Variants in UNC79 observed in about 807,000 individuals in gnomAD.
UNC79 encodes the protein protein unc-79 homolog.
Under a neutral mutation model 283.1 loss-of-function variants are expected in UNC79, and 37 were observed. That is an observed-to-expected ratio of 0.13 (90% CI 0.10 to 0.17). The LOEUF (loss-of-function observed/expected upper bound fraction) is 0.17. Among genes scored for constraint, UNC79 ranks in the 10% least tolerant of loss-of-function variants. The pLI is 1.00. For synonymous variants in UNC79, 1,107 were observed against 1,200.2 expected (o/e 0.92, Z 1.61); for missense variants, 2,272 against 3,211.1 (o/e 0.71, Z 7.07).
chr14:93,665,400 G>C (rs1005727841), intron 40 of UNC79, among the ~76,000 whole-genome samples: 6 of 151,642 alleles, frequency 4.0e-5, no homozygotes, highest in Admixed American at 3.3e-4. Flanking sequence ...ATTCAGAAGA[G>C]AGAGATAAAG....
chr14:93,645,009 A>G (rs1260668133), intron 34 of UNC79, among the ~76,000 whole-genome samples: 1 of 152,226 alleles, frequency 6.6e-6, no homozygotes. Context: ...TGACCTAGTC[A>G]TAGTAATTGC....
chr14:93,338,246 C>G (rs1021443869), intron 1 of UNC79, among the ~76,000 whole-genome samples: 1 of 152,112 alleles, frequency 6.6e-6, no homozygotes, highest in Admixed American at 6.5e-5. Context: ...AGTGAGTTCT[C>G]TGAATTCACT....
At chr14:93,391,890 A>G (rs1485863246) in intron 1 of UNC79, among the ~76,000 whole-genome samples, 2 of 152,262 alleles carry the variant, frequency 1.3e-5, no homozygotes, top group Admixed American at 6.5e-5. Flanking sequence ...GTGAATTGCA[A>G]ACTAAAAGAA....
intron 6 of UNC79, among the ~76,000 whole-genome samples, 187 bp downstream of exon 6, chr14:93,496,653 T>G (rs1450554980): frequency 6.6e-6 from 1 of 152,234 alleles, no homozygotes; most frequent in Non-Finnish European, 1.5e-5. Flanking sequence ...AATGGTACTT[T>G]AAGAACATCG....
intron 26 of UNC79, among the ~76,000 whole-genome samples, chr14:93,611,757 A>G (rs2066324086): frequency 6.6e-6 from 1 of 152,208 alleles, no homozygotes; most frequent in Admixed American, 6.5e-5. Context: ...GTTTCCTTGC[A>G]GAATGAGAGA....
At chr14:93,471,202 A>C (rs2057481970) in intron 2 of UNC79, among the ~76,000 whole-genome samples, 1 of 152,220 alleles carries the variant, frequency 6.6e-6, no homozygotes, top group South Asian at 2.1e-4. Flanking sequence ...TAAGTCATGG[A>C]GTAACTTTAG....
intron 25 of UNC79, among the ~76,000 whole-genome samples, chr14:93,602,535 C>T (rs1037782800): frequency 5.9e-5 from 9 of 152,110 alleles, no homozygotes; most frequent in South Asian, 2.1e-4. Context: ...TCCAGGAATG[C>T]GATGCCTCCA....
chr14:93,389,787 G>A (rs1171106528), intron 1 of UNC79, among the ~76,000 whole-genome samples: 1 of 152,112 alleles, frequency 6.6e-6, no homozygotes, highest in African/African-American at 2.4e-5. Context: ...GAGTAGCTGG[G>A]ATTACAGGCA....
At chr14:93,444,020 A>G (rs563505404) in intron 1 of UNC79, among the ~76,000 whole-genome samples, 4 of 152,334 alleles carry the variant, frequency 2.6e-5, no homozygotes, top group South Asian at 4.1e-4. Context: ...AGGTATTTCT[A>G]TACTATTTTG....
In UNC79 at chr14:93,410,778, C is replaced by A. The variant is rs565298740; in HGVS notation, c.-350-56893C>A. 2.6e-3 allele frequency among the ~76,000 whole-genome samples: 400 copies of A among 152,196 alleles called. 4 individuals are homozygous for A. The highest frequency in any genetic ancestry group is 9.2e-3 in the African/African-American group (381 of 41,544). ...TACCCATTGTCTGCTAACTAAAGAGCCTTTGATCCTTGAATAACCAACAGT... is the reference window on the plus strand; with the variant it reads ...TACCCATTGTCTGCTAACTAAAGAGACTTTGATCCTTGAATAACCAACAGT... On this transcript the variant is annotated intron_variant, in intron 1 of 49. Coordinates refer to the UNC79 transcript ENST00000256339.
At chr14:93,628,921 A>G (rs1335940850) in intron 30 of UNC79, among the ~76,000 whole-genome samples, 1 of 152,192 alleles carries the variant, frequency 6.6e-6, no homozygotes, top group African/African-American at 2.4e-5. Context: ...TACCAAGGCC[A>G]GGCACGGTGG....
At chr14:93,674,598 C>G (rs1205736829) in intron 41 of UNC79, among the ~76,000 whole-genome samples, 1 of 152,172 alleles carries the variant, frequency 6.6e-6, no homozygotes, top group Admixed American at 6.5e-5. Flanking sequence ...GCATTAAGAC[C>G]AGTCCCAGAG....
chr14:93,469,821 G>A (rs901071371), intron 2 of UNC79, among the ~76,000 whole-genome samples: 1 of 152,106 alleles, frequency 6.6e-6, no homozygotes, highest in East Asian at 1.9e-4. Flanking sequence ...GTTTGAAGCT[G>A]CAGTGAGCCT....
upstream of UNC79, among the ~76,000 whole-genome samples, chr14:93,428,844 C>T (rs989928345): frequency 1.3e-5 from 2 of 152,152 alleles, no homozygotes; most frequent in African/African-American, 4.8e-5. Flanking sequence ...GTAACTTGCA[C>T]CAGGTTACAC....
chr14:93,343,952 G>A (rs1164801140), intron 1 of UNC79, among the ~76,000 whole-genome samples: 1 of 150,644 alleles, frequency 6.6e-6, no homozygotes, highest in Non-Finnish European at 1.5e-5. Flanking sequence ...CTAGTCTTTT[G>A]TGACTTGCAG....
At chr14:93,347,079 G>A in intron 1 of UNC79, 1 of 563,550 alleles carries the variant, frequency 1.8e-6, no homozygotes, top group Non-Finnish European at 3.0e-6. Flanking sequence ...GAAAGGAGTG[G>A]TGAGCGGAAG....
chr14:93,527,692 T>A (rs2060609618), intron 8 of UNC79, among the ~76,000 whole-genome samples: 1 of 152,192 alleles, frequency 6.6e-6, no homozygotes, highest in Non-Finnish European at 1.5e-5. Context: ...GTATTAGGCA[T>A]CTTAACTGCT....
intron 1 of UNC79, among the ~76,000 whole-genome samples, chr14:93,411,688 A>C (rs1215471958): frequency 8.4e-6 from 1 of 118,998 alleles, no homozygotes; most frequent in Admixed American, 7.7e-5. Flanking sequence ...TTCCAAGACA[A>C]TCAAGGTGGT....
In UNC79 at chr14:93,409,520, C is replaced by T. The variant is rs532999633; in HGVS notation, c.-350-58151C>T. ...AGCCTGGACAACATAGTGAGACCTC[C>T]GTCTCTACAAAAAATAAAAATAAAT... On this transcript the variant is annotated intron_variant, in intron 1 of 49. Transcript: ENST00000256339. Among the ~76,000 whole-genome samples, 12 of 152,014 alleles carry T rather than the reference C, an allele frequency of 7.9e-5. 1 individual carries two copies. The South Asian group carries it at 1.7e-3, about 21-fold the overall frequency.
Sources: gnomAD v4.1 joint callset for allele counts (sites outside exome capture counted in the v4.1 genomes callset) on GRCh38, gnomAD v4.1.1 for gene constraint, MANE v1.5 for transcripts, NCBI Gene and HGNC (gene_info 2026-07-23, HGNC 2026-07-21) for gene names.